The following IFT122 variants were observed in gnomAD, a reference collection of about 807,000 sequenced individuals.
The protein encoded by IFT122 is intraflagellar transport 122.
IFT122 carries 118 observed loss-of-function variants against 161.6 expected under a neutral mutation model. The observed-to-expected ratio is 0.73, with a 90% CI of 0.63 to 0.85. The LOEUF (loss-of-function observed/expected upper bound fraction) is 0.85. Ranked by LOEUF, IFT122 falls within the 40% of genes least tolerant of loss-of-function variation. The pLI, the probability that IFT122 is intolerant of heterozygous loss-of-function variation, is 0.00. For synonymous variants in IFT122, 550 were observed against 602.4 expected (o/e 0.91, Z 1.27); for missense variants, 1,381 against 1,579.6 (o/e 0.87, Z 2.13).
chr3:129,517,268 G>GCACGCGCGCACACACACACACA lies in IFT122; in HGVS notation c.3266-198_3266-197insGCGCGCACACACACACACACAC, dbSNP rs1553776446. Among the ~76,000 whole-genome samples the GCACGCGCGCACACACACACACA allele has an allele frequency of 3.4e-5, 4 of 117,122 alleles. 1 individual carries two copies. Among genetic ancestry groups the GCACGCGCGCACACACACACACA allele is most frequent in the African/African-American group, 1.3e-4 (4 of 30,980 alleles). The allele number at this position is 117,122 out of a possible 152,430, so 76.8% of individuals were successfully genotyped here. On this transcript the variant is annotated intron_variant, in intron 26 of 29. Transcript: ENST00000348417. ...CCCTGCACACACACACATTGCTCCTGCACACACACACACACACACACACAC... is the reference window on the plus strand; with the variant it reads ...CCCTGCACACACACACATTGCTCCTGCACGCGCGCACACACACACACACACACACACACACACACACACACAC...
intron 22 of IFT122, among the ~76,000 whole-genome samples, chr3:129,507,170 G>C (rs995003333): frequency 6.6e-6 from 1 of 152,224 alleles, no homozygotes; most frequent in African/African-American, 2.4e-5. Context: ...TGGTTGCTGG[G>C]AGCCTCACAG....
chr3:129,459,729 C>CTT, intron 4 of IFT122, among the ~76,000 whole-genome samples: 1 of 108,190 alleles, frequency 9.2e-6, no homozygotes, highest in African/African-American at 4.9e-5. Flanking sequence ...TCCTTCCTTC[C>CTT]CTCCCTCCCT....
At chr3:129,512,686 C>T (rs2082974687) in intron 24 of IFT122, 1 of 508,452 alleles carries the variant, frequency 2.0e-6, no homozygotes, top group Admixed American at 3.3e-5. Flanking sequence ...TCCTAGAACC[C>T]ACAGATGAGG....
At chr3:129,516,866 C>A (rs1370068580) in intron 26 of IFT122, among the ~76,000 whole-genome samples, 1 of 131,806 alleles carries the variant, frequency 7.6e-6, no homozygotes, top group Non-Finnish European at 1.6e-5. Context: ...CAGAGGCTGC[C>A]CCTGCACACA....
At chr3:129,512,502 C>A in intron 24 of IFT122, 90 bp downstream of exon 24, 1 of 919,160 alleles carries the variant, frequency 1.1e-6, no homozygotes, top group Non-Finnish European at 1.8e-6. Flanking sequence ...CCTGGCAGAA[C>A]CTTCCTCTCT....
In IFT122 at chr3:129,502,650, A is replaced by G; in HGVS notation, c.2376-61A>G. The G allele has an allele frequency of 1.9e-6, 3 of 1,581,002 alleles. No individual in the cohort carries two copies. In the Admixed American group the frequency reaches 5.0e-5, roughly 26 times the overall value. Reference sequence around the variant, plus strand: ...ACTGGGGACCACAGAATGAATGGACATACGGCTTGCCGTTGACAAGACCCA... The same window carrying G: ...ACTGGGGACCACAGAATGAATGGACGTACGGCTTGCCGTTGACAAGACCCA... On this transcript the variant is annotated intron_variant, in intron 19 of 29. Coordinates refer to ENST00000348417, the MANE Select transcript of IFT122 (RefSeq NM_052989.3).
At chr3:129,520,105 C>A in intron 29 of IFT122, 71 bp from the exon 30 acceptor site, 1 of 1,266,822 alleles carries the variant, frequency 7.9e-7, no homozygotes, top group Non-Finnish European at 1.1e-6. Flanking sequence ...AGAGGCAGTG[C>A]GTCCTGGCCC....
intron 9 of IFT122, 41 bp downstream of exon 9, chr3:129,469,458 T>TA (rs749643935): frequency 6.9e-7 from 1 of 1,442,672 alleles, no homozygotes; most frequent in South Asian, 1.1e-5. Flanking sequence ...TCATGCCTGT[T>TA]ATATTTTCAT....
rs2075464744 is a variant in IFT122 at position 129,456,241 on chromosome 3, G to A, written c.194-2358G>A. 3.9e-6 allele frequency: 5 copies of A among 1,282,708 alleles called. No individual in the cohort carries two copies. In the Admixed American group the frequency reaches 7.1e-5, roughly 18 times the overall value. 79.5% of individuals were successfully genotyped at this position (1,282,708 alleles called of 1,614,324 possible). ...ATCACCATCACCTGCTACCTACCAG[G>A]ATGAGGGAGGAGTGATGGAAATAGT... On this transcript the variant is annotated intron_variant, in intron 3 of 29. Coordinates refer to ENST00000348417, the MANE Select transcript of IFT122 (RefSeq NM_052989.3).
chr3:129,458,811 G>A, intron 4 of IFT122, 134 bp downstream of exon 4: 1 of 726,900 alleles, frequency 1.4e-6, no homozygotes, highest in African/African-American at 1.7e-5. Flanking sequence ...GGGTGTGTGT[G>A]GTTGGTATAG....
chr3:129,519,162 G>T lies in IFT122; in HGVS notation c.3447G>T (p.Pro1149=). The T allele has an allele frequency of 6.2e-7, 1 of 1,614,094 alleles. No homozygotes were observed. The highest frequency in any genetic ancestry group is 8.5e-7 in the Non-Finnish European group (1 of 1,180,006). ...AGGACTCCATCGGAGATGAGGACCC[G>T]TTCACAGCTAAGCTGAGCTTTGAGG... ...ETKDSIGDED[P]FTAKLSFEQG... is the part of the protein sequence containing the mutation. Residue 1149 remains proline (P), a synonymous_variant, in exon 28 of 30, where the codon CCG becomes CCT. Coordinates refer to ENST00000348417, the MANE Select transcript of IFT122 (RefSeq NM_052989.3).
intron 3 of IFT122, among the ~76,000 whole-genome samples, chr3:129,455,421 T>A (rs2075359275): frequency 6.6e-6 from 1 of 152,140 alleles, no homozygotes; most frequent in African/African-American, 2.4e-5. Flanking sequence ...TCCGCCCACC[T>A]CGGCCTCCCA....
At chr3:129,478,373 A>G (rs1249914398) in intron 12 of IFT122, among the ~76,000 whole-genome samples, 155 bp downstream of exon 12, 4 of 152,236 alleles carry the variant, frequency 2.6e-5, no homozygotes, top group African/African-American at 9.6e-5. Context: ...TTTTCCTGGC[A>G]TCTGGATGAA....
chr3:129,444,237 A>G (rs1339403742), intron 1 of IFT122, among the ~76,000 whole-genome samples: 1 of 152,228 alleles, frequency 6.6e-6, no homozygotes, highest in Non-Finnish European at 1.5e-5. Flanking sequence ...CAAAATGTGA[A>G]ATGTGCCAAG....
At chr3:129,485,193 C>T (rs1479720288) in intron 15 of IFT122, among the ~76,000 whole-genome samples, 2 of 152,192 alleles carry the variant, frequency 1.3e-5, no homozygotes, top group South Asian at 2.1e-4. Flanking sequence ...GGCGCCTTGG[C>T]ATAAATTCCT....
intron 4 of IFT122, among the ~76,000 whole-genome samples, chr3:129,459,933 T>G (rs2076048139): frequency 6.6e-6 from 1 of 152,006 alleles, no homozygotes; most frequent in Non-Finnish European, 1.5e-5. Context: ...TTTAAATTTT[T>G]TTTTTTCTTG....
intron 8 of IFT122, among the ~76,000 whole-genome samples, chr3:129,468,467 C>T (rs905029494): frequency 3.2e-4 from 49 of 152,146 alleles, no homozygotes; most frequent in African/African-American, 1.2e-3. Flanking sequence ...GCCTCAGCCT[C>T]TGGAATAGCT....
At chr3:129,517,194 TACAC>T (rs66573154) in intron 26 of IFT122, among the ~76,000 whole-genome samples, 2,824 of 73,818 alleles carry the variant, frequency 0.038, 117 homozygotes, top group African/African-American at 0.13. Context: ...AGACTGCCCC[TACAC>T]ACACACACAG....
rs150001203 is a variant in IFT122, at chr3:129,476,770, C to T, written c.1116C>T (p.Val372=). Reference sequence around the variant, plus strand: ...CCTACAGGGATAGCATGACTGACGTCATTGTGCAGCACCTGATCACTGAGC... The same window carrying T: ...CCTACAGGGATAGCATGACTGACGTTATTGTGCAGCACCTGATCACTGAGC... ...RYAYRDSMTD[V]IVQHLITEQK... The change falls in exon 11 of 30, where the codon GTC becomes GTT. Residue 372 remains valine (V), a synonymous_variant. Coordinates refer to ENST00000348417, the MANE Select transcript of IFT122 (RefSeq NM_052989.3). 1 of 1,614,184 alleles carries T rather than the reference C, an allele frequency of 6.2e-7. No individual in the cohort carries two copies. The highest frequency in any genetic ancestry group is 8.5e-7 in the Non-Finnish European group (1 of 1,180,036).
Sources: gnomAD v4.1 joint callset for allele counts (sites outside exome capture counted in the v4.1 genomes callset) on GRCh38, gnomAD v4.1.1 for gene constraint, MANE v1.5 for transcripts, NCBI Gene and HGNC (gene_info 2026-07-23, HGNC 2026-07-21) for gene names.